The following MGST2 variants were observed in gnomAD, a reference collection of about 807,000 sequenced individuals.
MGST2 encodes the protein microsomal glutathione S-transferase 2.
Under a neutral mutation model 16.6 loss-of-function variants are expected in MGST2, and 9 were observed. That is an observed-to-expected ratio of 0.54 (90% confidence interval 0.33 to 0.95). The LOEUF is 0.95. Among genes scored for constraint, MGST2 ranks in the 40% least tolerant of loss-of-function variants. MGST2 has a pLI of 0.03. For missense variants in MGST2, 159 were observed against 175.1 expected, an observed-to-expected ratio of 0.91 and a Z score of 0.52; for synonymous variants, 79 against 68.0, an observed-to-expected ratio of 1.16 and a Z score of -0.79.
intron 1 of MGST2, among the ~76,000 whole-genome samples, chr4:139,674,585 GC>G (rs1730871929): frequency 6.6e-6 from 1 of 151,778 alleles, no homozygotes; most frequent in African/African-American, 2.4e-5. Flanking sequence ...TTCAAGACCA[GC>G]CTGGCCAACA....
chr4:139,719,274 CTTT>C (rs756205991), intron 5 of MGST2: 1 of 1,514,866 alleles, frequency 6.6e-7, no homozygotes, highest in African/African-American at 1.4e-5. Context: ...TTCTTTTTCA[CTTT>C]TTAAGCTTTA....
intron 3 of MGST2, among the ~76,000 whole-genome samples, chr4:139,701,716 C>A (rs568936389): frequency 6.6e-6 from 1 of 152,082 alleles, no homozygotes; most frequent in South Asian, 2.1e-4. Flanking sequence ...GCAATCCCAG[C>A]ACTTTGGGAG....
chr4:139,698,445 T>C (rs1340294530), intron 3 of MGST2: 8 of 1,180,518 alleles, frequency 6.8e-6, no homozygotes, highest in Admixed American at 1.7e-5. Flanking sequence ...ATGAGGTTTC[T>C]TCACCCCTCC....
intron 5 of MGST2, chr4:139,719,637 G>T: frequency 6.2e-7 from 1 of 1,612,430 alleles, no homozygotes. Flanking sequence ...TGCTGCCCCG[G>T]GAGCGATGGC....
chr4:139,708,666 C>G (rs1343458355), downstream of MGST2, among the ~76,000 whole-genome samples: 1 of 152,072 alleles, frequency 6.6e-6, no homozygotes, highest in African/African-American at 2.4e-5. Flanking sequence ...GGCATAAAAA[C>G]CAAATGGCAA....
chr4:139,738,666 G>T (rs746208507), intron 5 of MGST2, among the ~76,000 whole-genome samples: 14 of 151,468 alleles, frequency 9.2e-5, no homozygotes, highest in Non-Finnish European at 1.8e-4. Flanking sequence ...AATTGCTGGG[G>T]AACATTTGAA....
intron 1 of MGST2, among the ~76,000 whole-genome samples, chr4:139,675,787 A>G (rs941318831): frequency 6.6e-6 from 1 of 152,248 alleles, no homozygotes; most frequent in Non-Finnish European, 1.5e-5. Context: ...AATTTGGTCC[A>G]TATTAGCCAC....
At chr4:139,691,813 C>A (rs1726615006) in intron 2 of MGST2, among the ~76,000 whole-genome samples, 1 of 152,128 alleles carries the variant, frequency 6.6e-6, no homozygotes, top group Non-Finnish European at 1.5e-5. Context: ...ATTCTCCTGC[C>A]TTAGTCTCCC....
intron 5 of MGST2, among the ~76,000 whole-genome samples, chr4:139,710,058 G>A (rs1254592553): frequency 6.6e-6 from 1 of 152,242 alleles, no homozygotes; most frequent in Non-Finnish European, 1.5e-5. Context: ...AGGTAGCTCT[G>A]TTCCATTTTC....
At chr4:139,746,687 G>A in the MGST2 span, among the ~76,000 whole-genome samples, 5 of 152,082 alleles carry the variant, frequency 3.3e-5, no homozygotes, top group Admixed American at 2.0e-4. Context: ...CTGGACCTCC[G>A]CAGGCAGCCA....
At chr4:139,676,784 C>A (rs1730983570) in intron 1 of MGST2, among the ~76,000 whole-genome samples, 1 of 152,142 alleles carries the variant, frequency 6.6e-6, no homozygotes, top group African/African-American at 2.4e-5. Context: ...GTGTACAATT[C>A]TTTGTACTGA....
chr4:139,709,780 T>C (rs1409552123), intron 5 of MGST2, among the ~76,000 whole-genome samples: 2 of 152,216 alleles, frequency 1.3e-5, no homozygotes, highest in Admixed American at 6.5e-5. Flanking sequence ...TCCAGTGGTA[T>C]TGATGGATCC....
intron 1 of MGST2, 40 bp downstream of exon 1, chr4:139,666,117 C>CTCGCGCGCGT (rs1730334303): frequency 1.0e-6 from 1 of 979,776 alleles, no homozygotes; most frequent in Non-Finnish European, 1.3e-6. Context: ...CGCGTGTGTG[C>CTCGCGCGCGT]GTGTGTGTGT....
At chr4:139,741,289 C>T (rs922853603), downstream of MGST2, among the ~76,000 whole-genome samples, 6 of 152,160 alleles carry the variant, frequency 3.9e-5, no homozygotes, top group African/African-American at 9.7e-5. Flanking sequence ...ATACCTGGTC[C>T]GTGAGGGCCT....
At chr4:139,699,329 T>C (rs1342484189) in intron 3 of MGST2, among the ~76,000 whole-genome samples, 2 of 152,266 alleles carry the variant, frequency 1.3e-5, no homozygotes, top group African/African-American at 4.8e-5. Flanking sequence ...CATTATGGTC[T>C]GTGTTTGTAT....
intron 2 of MGST2, among the ~76,000 whole-genome samples, chr4:139,685,817 C>T (rs1482419840): frequency 6.6e-6 from 1 of 152,172 alleles, no homozygotes; most frequent in Non-Finnish European, 1.5e-5. Context: ...GCATGTGCCA[C>T]CACACCCGGC....
intron 1 of MGST2, among the ~76,000 whole-genome samples, chr4:139,674,203 A>G (rs907604697): frequency 6.6e-6 from 1 of 152,202 alleles, no homozygotes; most frequent in Non-Finnish European, 1.5e-5. Context: ...CTGGTTTTAT[A>G]CATTTTAGGG....
chr4:139,714,347 T>C (rs1579346537), intron 5 of MGST2, among the ~76,000 whole-genome samples: 1 of 152,324 alleles, frequency 6.6e-6, no homozygotes, highest in Admixed American at 6.5e-5. Flanking sequence ...CCCATTCATT[T>C]AACTATTTGC....
intron 5 of MGST2, among the ~76,000 whole-genome samples, chr4:139,732,670 C>G (rs1728774719): frequency 6.6e-6 from 1 of 150,478 alleles, no homozygotes; most frequent in South Asian, 2.1e-4. Flanking sequence ...TATCGGGGTA[C>G]AGGTGGTATT....
Sources: allele counts gnomAD v4.1 joint callset (sites outside exome capture counted in the v4.1 genomes callset), GRCh38; gene constraint gnomAD v4.1.1; transcripts MANE v1.5; gene names NCBI Gene and HGNC (gene_info 2026-07-23, HGNC 2026-07-21).